CRB1: variants seen among roughly 807,000 people sequenced by gnomAD.
The protein encoded by CRB1 is crumbs cell polarity complex component 1.
Under a neutral mutation model 120.0 loss-of-function variants are expected in CRB1, and 83 were observed. The ratio of observed to expected loss-of-function variants is 0.69; its 90% confidence interval spans 0.58 to 0.83. The LOEUF (loss-of-function observed/expected upper bound fraction) is 0.83, where lower values mean the gene tolerates loss of function less well. Ranked by LOEUF, CRB1 falls within the 40% of genes least tolerant of loss-of-function variation. The probability of loss-of-function intolerance (pLI) is 0.00; values close to 1 mark genes in which losing one functional copy is unlikely to be tolerated. For synonymous variants in CRB1, 625 were observed against 612.5 expected, an observed-to-expected ratio of 1.02 and a Z score of -0.30; for missense variants, 1,699 against 1,687.6, an observed-to-expected ratio of 1.01 and a Z score of -0.12.
chr1:197,453,761 C>CTCT (rs1017646064), intron 11 of CRB1, among the ~76,000 whole-genome samples: 2 of 143,764 alleles, frequency 1.4e-5, no homozygotes, highest in Admixed American at 7.2e-5. Context: ...CTTCTACTTC[C>CTCT]TCTTCTTCTT....
chr1:197,357,351 A>T (rs2125355498), intron 5 of CRB1: 1 of 353,902 alleles, frequency 2.8e-6, no homozygotes, highest in Non-Finnish European at 5.3e-6. Context: ...GTTAAATTTT[A>T]TGTTATTCAA....
At chr1:197,252,307 A>G in the CRB1 span, among the ~76,000 whole-genome samples, 28 of 151,156 alleles carry the variant, frequency 1.9e-4, no homozygotes, top group Non-Finnish European at 3.5e-4. Flanking sequence ...AACCTATTCC[A>G]TTCTTAGCTT....
intron 1 of CRB1, among the ~76,000 whole-genome samples, chr1:197,272,740 C>CATGGA (rs1349493904): frequency 7.2e-5 from 11 of 152,082 alleles, no homozygotes; most frequent in Admixed American, 3.9e-4. Context: ...ATTATAGAGA[C>CATGGA]ATGGAATGAT....
chr1:197,453,346 ATAAT>A (rs1666064508), intron 11 of CRB1, among the ~76,000 whole-genome samples: 1 of 147,502 alleles, frequency 6.8e-6, no homozygotes, highest in Non-Finnish European at 1.5e-5. Context: ...TTAAATTAGT[ATAAT>A]TAAATTAATA....
intron 5 of CRB1, among the ~76,000 whole-genome samples, chr1:197,381,179 T>C (rs1032110777): frequency 2.0e-5 from 3 of 152,184 alleles, no homozygotes; most frequent in African/African-American, 7.2e-5. Context: ...ATTAAATGGG[T>C]TCCTCATTCT....
At chr1:197,245,951 C>T in the CRB1 span, among the ~76,000 whole-genome samples, 4 of 152,090 alleles carry the variant, frequency 2.6e-5, no homozygotes, top group African/African-American at 9.7e-5. Context: ...GGTATATGTC[C>T]TCACTGACGT....
intron 10 of CRB1, chr1:197,440,901 A>G (rs1343135447): frequency 2.6e-5 from 4 of 152,286 alleles, no homozygotes; most frequent in Admixed American, 1.3e-4. Flanking sequence ...CTCAGATCTA[A>G]TCAGAGAAGT....
At chr1:197,388,507 C>T (rs1189849697) in intron 5 of CRB1, among the ~76,000 whole-genome samples, 2 of 152,040 alleles carry the variant, frequency 1.3e-5, no homozygotes, top group Admixed American at 1.3e-4. Flanking sequence ...AATAGAGCCA[C>T]AGCACTTTTA....
Position 197,421,177 on chromosome 1 carries a change from G to A in CRB1, c.1349G>A (p.Cys450Tyr), listed in dbSNP as rs746597173. 1.2e-6 allele frequency: 2 copies of A among 1,614,232 alleles called. No homozygotes were observed. The highest frequency in any genetic ancestry group is 1.7e-6 in the Non-Finnish European group (2 of 1,180,050). ...DILLGCTHQQ[C>Y]LNNGTCIPHF... ...CTCCTGGGCTGTACCCATCAGCAAT[G>A]TCTAAATAATGGAACATGCATCCCT... The change falls in exon 6 of 12, where the codon TGT (cysteine) becomes TAT (tyrosine). Residue 450 changes from cysteine to tyrosine, a missense_variant. Physicochemically the swap from Cys to Tyr is radical, Grantham distance 194 (BLOSUM62 -2). Coordinates refer to ENST00000367400, the MANE Select transcript of CRB1 (RefSeq NM_201253.3).
chr1:197,208,669 C>A, the CRB1 span, among the ~76,000 whole-genome samples: 5 of 152,086 alleles, frequency 3.3e-5, no homozygotes, highest in African/African-American at 1.2e-4. Context: ...ATTAAATGTT[C>A]TGGTTTTCTG....
At chr1:197,314,202 A>G (rs1253058755) in intron 1 of CRB1, among the ~76,000 whole-genome samples, 1 of 152,180 alleles carries the variant, frequency 6.6e-6, no homozygotes, top group African/African-American at 2.4e-5. Context: ...AGCTCTCTGC[A>G]GTTTTTTGAA....
At chr1:197,322,753 A>C (rs1474166347) in intron 1 of CRB1, among the ~76,000 whole-genome samples, 1 of 152,142 alleles carries the variant, frequency 6.6e-6, no homozygotes, top group Non-Finnish European at 1.5e-5. Flanking sequence ...CTGACTCTGC[A>C]AGGTTAACAA....
chr1:197,335,344 C>A (rs1414428319), intron 2 of CRB1, among the ~76,000 whole-genome samples: 1 of 152,126 alleles, frequency 6.6e-6, no homozygotes, highest in Non-Finnish European at 1.5e-5. Flanking sequence ...TACATTTTAA[C>A]AAGGTCACTC....
At chr1:197,244,831 A>G in the CRB1 span, among the ~76,000 whole-genome samples, 20 of 151,986 alleles carry the variant, frequency 1.3e-4, no homozygotes, top group African/African-American at 4.1e-4. Flanking sequence ...TTATAGTCCC[A>G]CAGATTCCTT....
intron 7 of CRB1, chr1:197,428,823 A>G: frequency 1.4e-6 from 1 of 716,478 alleles, no homozygotes; most frequent in Non-Finnish European, 2.2e-6. Context: ...TAGAAAGGTT[A>G]TGTAACTAGC....
rs35921087 is a variant in CRB1, at chr1:197,432,357, AACACACACACACACACACAC to A, written c.2843-2321_2843-2302del. On this transcript the variant is annotated intron_variant, in intron 8 of 11. Transcript: ENST00000367400. ...AATTCCCAACTCCAAACCTGGTTGA[AACACACACACACACACACAC>A]ACACACACACACACACACACACACA... Among the ~76,000 whole-genome samples, 331 of 139,846 alleles carry A rather than the reference AACACACACACACACACACAC, an allele frequency of 2.4e-3. 1 individual carries two copies. Among genetic ancestry groups the A allele is most frequent in the African/African-American group, 8.6e-3 (322 of 37,242 alleles). 91.7% of individuals were successfully genotyped at this position (139,846 alleles called of 152,430 possible).
At chr1:197,414,655 A>G (rs1663878067) in intron 5 of CRB1, among the ~76,000 whole-genome samples, 1 of 152,212 alleles carries the variant, frequency 6.6e-6, no homozygotes, top group African/African-American at 2.4e-5. Flanking sequence ...TTGCACATAA[A>G]TAAGCAATTT....
intron 5 of CRB1, among the ~76,000 whole-genome samples, chr1:197,418,572 T>C (rs1263565500): frequency 1.3e-5 from 2 of 152,176 alleles, no homozygotes; most frequent in African/African-American, 4.8e-5. Context: ...TAGAGTCCAA[T>C]CAAGTGCCTA....
rs981264469 is a variant in CRB1 at position 197,430,150 on chromosome 1, T to A, written c.2842+536T>A. 2.0e-5 allele frequency among the ~76,000 whole-genome samples: 3 copies of A among 152,216 alleles called. No individual in the cohort carries two copies. The South Asian group carries it at 6.2e-4, about 32-fold the overall frequency. ...TCCCTCACTGTGAAAAGTTTTCCTG[T>A]CCATCTTCTGTACTACAAAAAACAA... On this transcript the variant is annotated intron_variant, in intron 8 of 11. Coordinates refer to ENST00000367400, the MANE Select transcript of CRB1 (RefSeq NM_201253.3).
Sources: allele counts gnomAD v4.1 joint callset (sites outside exome capture counted in the v4.1 genomes callset), GRCh38; gene constraint gnomAD v4.1.1; transcripts MANE v1.5; gene names NCBI Gene and HGNC (gene_info 2026-07-23, HGNC 2026-07-21).